Variants in UVSSA observed in about 807,000 individuals in gnomAD.
UVSSA encodes the protein UV-stimulated scaffold protein A.
Under a neutral mutation model 73.9 loss-of-function variants are expected in UVSSA, and 72 were observed. That is an observed-to-expected ratio of 0.97 (90% confidence interval 0.81 to 1.19). The LOEUF is 1.19. UVSSA is among the 50% of genes most tolerant of loss of function. The pLI, the probability that UVSSA is intolerant of heterozygous loss-of-function variation, is 0.00. For missense variants in UVSSA, 1,150 were observed against 965.0 expected, an observed-to-expected ratio of 1.19 and a Z score of -2.54; for synonymous variants, 454 against 391.3, an observed-to-expected ratio of 1.16 and a Z score of -1.89.
At chr4:1,383,310 C>T (rs1296619560) in intron 12 of UVSSA, among the ~76,000 whole-genome samples, 1 of 152,250 alleles carries the variant, frequency 6.6e-6, no homozygotes, top group East Asian at 1.9e-4. Flanking sequence ...ACCTCCCCAC[C>T]AGCAGGCGTG....
At chr4:1,355,018 A>C (rs3903127) in intron 6 of UVSSA, 99 bp from the exon 7 acceptor site, 771,551 of 1,543,088 alleles carry the variant, frequency 0.5, 199,813 homozygotes, top group Non-Finnish European at 0.54. Flanking sequence ...TGTGCCAGGG[A>C]CCCCCCGGGC....
At chr4:1,379,700 T>C (rs1409653279) in intron 10 of UVSSA, among the ~76,000 whole-genome samples, 1 of 152,178 alleles carries the variant, frequency 6.6e-6, no homozygotes, top group Non-Finnish European at 1.5e-5. Context: ...GCCCTTGTCC[T>C]ATAGGGAGAG....
intron 12 of UVSSA, among the ~76,000 whole-genome samples, chr4:1,381,598 A>G (rs1335876915): frequency 4.0e-5 from 6 of 149,948 alleles, no homozygotes; most frequent in African/African-American, 7.4e-5. Flanking sequence ...CCATCTGCCC[A>G]CCCTGCATAT....
chr4:1,351,525 A>C (rs1220960706), intron 3 of UVSSA, among the ~76,000 whole-genome samples, 190 bp from the exon 4 acceptor site: 1 of 150,670 alleles, frequency 6.6e-6, no homozygotes, highest in East Asian at 1.9e-4. Flanking sequence ...AGCTGGGACT[A>C]CAGGCGCCCG....
intron 8 of UVSSA, among the ~76,000 whole-genome samples, chr4:1,368,493 G>A (rs1309746311): frequency 6.6e-6 from 1 of 152,244 alleles, no homozygotes; most frequent in Non-Finnish European, 1.5e-5. Flanking sequence ...AACGGTGACA[G>A]CGCTCACTCG....
exon 14 of UVSSA, chr4:1,394,401 T>G (rs1560500584): frequency 5.9e-6 from 9 of 1,534,462 alleles, no homozygotes; most frequent in Non-Finnish European, 8.0e-6. Context: ...TTTATGGGTT[T>G]CATTTTCATA....
intron 12 of UVSSA, 82 bp downstream of exon 12, chr4:1,381,070 TC>T (rs1719442400): frequency 7.6e-7 from 1 of 1,316,584 alleles, no homozygotes; most frequent in East Asian, 2.5e-5. Flanking sequence ...GTCTGCAGAG[TC>T]ACAGAGCACC....
At chr4:1,360,348 C>T (rs532310734) in intron 7 of UVSSA, among the ~76,000 whole-genome samples, 4 of 152,348 alleles carry the variant, frequency 2.6e-5, no homozygotes, top group Admixed American at 1.3e-4. Flanking sequence ...AAACACAGGG[C>T]GCTTGCCAGA....
exon 14 of UVSSA, chr4:1,395,593 G>A (rs1720530095): frequency 2.5e-6 from 4 of 1,600,876 alleles, no homozygotes; most frequent in Middle Eastern, 1.7e-4. Context: ...CATGTGGAGT[G>A]CCCGCCTGCT....
intron 13 of UVSSA, chr4:1,384,381 C>T: frequency 5.7e-6 from 1 of 174,968 alleles, no homozygotes. Flanking sequence ...TCAGCCCCAG[C>T]AGAGCCCAGC....
In UVSSA at chr4:1,354,695, AG is replaced by A. The variant is rs761087244; in HGVS notation, c.935-39del. 1.9e-5 allele frequency: 30 copies of A among 1,583,108 alleles called. No individual in the cohort carries two copies. The South Asian group carries it at 3.4e-4, about 18-fold the overall frequency. Reference sequence around the variant, plus strand: ...CTCTCCGGGGCCTGTGGGAGACGCCAGTCGGCGCCCTCTTGTGACCTCTGTG... The same window carrying A: ...CTCTCCGGGGCCTGTGGGAGACGCCATCGGCGCCCTCTTGTGACCTCTGTG... On this transcript the variant is annotated intron_variant, in intron 5 of 13. Coordinates refer to ENST00000389851, the MANE Select transcript of UVSSA (RefSeq NM_020894.4).
At chr4:1,361,959 C>T (rs576786027) in intron 7 of UVSSA, among the ~76,000 whole-genome samples, 6 of 151,702 alleles carry the variant, frequency 4.0e-5, no homozygotes, top group East Asian at 1.9e-4. Context: ...TTAATTAGAT[C>T]GTACAAAATT....
At chr4:1,384,048 G>T in intron 13 of UVSSA, 108 bp downstream of exon 13, 1 of 1,354,514 alleles carries the variant, frequency 7.4e-7, no homozygotes, top group South Asian at 1.5e-5. Flanking sequence ...GGGCCTCCAG[G>T]GGCTCCCCTG....
intron 7 of UVSSA, among the ~76,000 whole-genome samples, chr4:1,361,712 C>T (rs1218490025): frequency 6.6e-6 from 1 of 152,240 alleles, no homozygotes; most frequent in Admixed American, 6.5e-5. Flanking sequence ...ATATAAATAG[C>T]AGATGCAATG....
intron 10 of UVSSA, among the ~76,000 whole-genome samples, chr4:1,378,804 A>C (rs369467359): frequency 4.6e-5 from 7 of 152,210 alleles, no homozygotes; most frequent in African/African-American, 1.7e-4. Context: ...AGCCGCATGT[A>C]CCTCCTTGAC....
chr4:1,349,020 C>G (rs1277470538), intron 2 of UVSSA, among the ~76,000 whole-genome samples: 3 of 59,114 alleles, frequency 5.1e-5, no homozygotes, highest in Non-Finnish European at 8.4e-5. Context: ...GGGCGGTGTG[C>G]GGTTTGTGCC....
intron 8 of UVSSA, among the ~76,000 whole-genome samples, chr4:1,371,747 G>A (rs533216756): frequency 6.6e-6 from 1 of 152,306 alleles, no homozygotes; most frequent in East Asian, 1.9e-4. Context: ...GCACGGGGAA[G>A]ACCCACCAGC....
intron 8 of UVSSA, among the ~76,000 whole-genome samples, chr4:1,368,512 C>A (rs922987352): frequency 3.3e-5 from 5 of 152,254 alleles, no homozygotes; most frequent in Admixed American, 1.3e-4. Context: ...CGTCACCAGG[C>A]CTGGCCATCC....
Position 1,380,203 on chromosome 4 carries a change from G to A in UVSSA, c.1725G>A (p.Arg575=). ...HWCRAPRPDG[R]LCERQDRLKC... is the part of the protein sequence containing the mutation. ...GCCGTGCCCCGAGGCCAGACGGCCGGCTCTGTGAGCGCCAAGACCGGCTGA... is the reference window on the plus strand; with the variant it reads ...GCCGTGCCCCGAGGCCAGACGGCCGACTCTGTGAGCGCCAAGACCGGCTGA... The change falls in exon 11 of 14, where the codon CGG becomes CGA. Residue 575 remains arginine (R), a synonymous_variant. Transcript: ENST00000389851. 3 of 1,612,476 alleles carry A rather than the reference G, an allele frequency of 1.9e-6. No homozygotes were observed. The highest frequency in any genetic ancestry group is 1.7e-6 in the Non-Finnish European group (2 of 1,179,756).
Sources: allele counts gnomAD v4.1 joint callset (sites outside exome capture counted in the v4.1 genomes callset), GRCh38; gene constraint gnomAD v4.1.1; transcripts MANE v1.5; gene names NCBI Gene and HGNC (gene_info 2026-07-23, HGNC 2026-07-21).